The following ZNF503 variants were observed in gnomAD, a reference collection of about 807,000 sequenced individuals.
ZNF503 encodes NocA-like zinc finger 2.
In ZNF503, 15 loss-of-function variants were observed where a neutral mutation model predicts 34.4. The ratio of observed to expected loss-of-function variants is 0.44; its 90% CI spans 0.29 to 0.67. ZNF503 has a LOEUF of 0.67. ZNF503 is among the 30% of genes least tolerant of loss of function. The pLI is 0.13. For missense variants in ZNF503, 1,007 were observed against 926.8 expected, an observed-to-expected ratio of 1.09 and a Z score of -1.12; for synonymous variants, 580 against 456.8, an observed-to-expected ratio of 1.27 and a Z score of -3.44.
In ZNF503 at chr10:75,398,710, C is replaced by T; in HGVS notation, c.*39G>A. 2 of 1,351,344 alleles carry T rather than the reference C, an allele frequency of 1.5e-6. No homozygotes were observed. The highest frequency in any genetic ancestry group is 1.9e-6 in the Non-Finnish European group (2 of 1,056,690). 83.7% of individuals were successfully genotyped at this position (1,351,344 alleles called of 1,614,324 possible). A position where few individuals can be genotyped will look rare whatever the true frequency, so the allele number is the denominator to read the frequency against. On this transcript the variant is annotated 3_prime_UTR_variant, in exon 2 of 2. Transcript: ENST00000372524. ...CCTCTCCCTGGACTCCTCCCCTCCC[C>T]CTCTCCCTCCTCTCCCTCGCTCGCC...
chr10:75,313,490 ACTT>A, the ZNF503 span, among the ~76,000 whole-genome samples: 30 of 152,324 alleles, frequency 2.0e-4, no homozygotes, highest in Non-Finnish European at 3.5e-4. Context: ...GATGCTGCTC[ACTT>A]CTTTTTTGCA....
downstream of ZNF503, chr10:75,397,764 G>A (rs928077334): frequency 1.3e-5 from 2 of 152,520 alleles, no homozygotes; most frequent in Non-Finnish European, 2.9e-5. Context: ...GTAGCAGTGA[G>A]GCCCCGGAAC....
chr10:75,386,868 T>C, the ZNF503 span, among the ~76,000 whole-genome samples: 1 of 152,242 alleles, frequency 6.6e-6, no homozygotes, highest in Non-Finnish European at 1.5e-5. Flanking sequence ...CACATGTTTC[T>C]ACTGGAGTTC....
the ZNF503 span, chr10:75,283,335 G>A: frequency 0.013 from 1,909 of 152,416 alleles, 19 homozygotes; most frequent in Non-Finnish European, 0.019. Context: ...CAAGGCGTGC[G>A]CACATTTGTC....
At chr10:75,363,359 G>A in the ZNF503 span, among the ~76,000 whole-genome samples, 1 of 151,918 alleles carries the variant, frequency 6.6e-6, no homozygotes, top group East Asian at 1.9e-4. Context: ...GTGAGTTGTT[G>A]TGATTCTCTG....
At chr10:75,356,742 C>G in the ZNF503 span, among the ~76,000 whole-genome samples, 1 of 152,162 alleles carries the variant, frequency 6.6e-6, no homozygotes, top group African/African-American at 2.4e-5. Flanking sequence ...CCATTGAGGC[C>G]CTGACAGATT....
At chr10:75,292,685 G>A in the ZNF503 span, among the ~76,000 whole-genome samples, 1 of 152,192 alleles carries the variant, frequency 6.6e-6, no homozygotes, top group African/African-American at 2.4e-5. Context: ...CCAGGCCTGG[G>A]TCATATGTTT....
chr10:75,382,816 T>A, the ZNF503 span: 1 of 301,632 alleles, frequency 3.3e-6, no homozygotes, highest in South Asian at 4.1e-5. Flanking sequence ...CAGAATTCAG[T>A]AGTGGGTATT....
chr10:75,363,375 T>C, the ZNF503 span, among the ~76,000 whole-genome samples: 1 of 152,126 alleles, frequency 6.6e-6, no homozygotes, highest in Non-Finnish European at 1.5e-5. Flanking sequence ...CTCTGTGGGG[T>C]CCAGGAGCAT....
the ZNF503 span, among the ~76,000 whole-genome samples, chr10:75,390,879 A>C: frequency 6.6e-6 from 1 of 152,306 alleles, no homozygotes; most frequent in Non-Finnish European, 1.5e-5. Context: ...GTCCAAGATC[A>C]AGGTGCTGGC....
the ZNF503 span, among the ~76,000 whole-genome samples, chr10:75,335,810 G>T: frequency 6.6e-6 from 1 of 152,230 alleles, no homozygotes; most frequent in South Asian, 2.1e-4. Context: ...CTCCCTCCTG[G>T]CCTTCATTTC....
At chr10:75,390,881 G>T in the ZNF503 span, among the ~76,000 whole-genome samples, 6 of 152,298 alleles carry the variant, frequency 3.9e-5, no homozygotes, top group African/African-American at 1.4e-4. Flanking sequence ...CCAAGATCAA[G>T]GTGCTGGCTG....
the ZNF503 span, among the ~76,000 whole-genome samples, chr10:75,380,169 T>TTAC: frequency 6.6e-6 from 1 of 152,230 alleles, no homozygotes; most frequent in African/African-American, 2.4e-5. Flanking sequence ...GCAGGGCTAC[T>TTAC]TACCCCTTGG....
At chr10:75,337,048 G>T in the ZNF503 span, among the ~76,000 whole-genome samples, 1 of 152,228 alleles carries the variant, frequency 6.6e-6, no homozygotes, top group Non-Finnish European at 1.5e-5. Context: ...TTCTGGCAGG[G>T]TGTGGTGGCT....
chr10:75,295,230 G>A, the ZNF503 span, among the ~76,000 whole-genome samples: 1 of 151,856 alleles, frequency 6.6e-6, no homozygotes, highest in Non-Finnish European at 1.5e-5. This position sits in a 1 kb window ranked among gnomAD's most constrained non-coding sequence, Gnocchi z 4.0. Context: ...CCCGGGAGGG[G>A]TGGCAGGAGG....
chr10:75,339,069 A>G, the ZNF503 span, among the ~76,000 whole-genome samples: 1 of 152,112 alleles, frequency 6.6e-6, no homozygotes, highest in Non-Finnish European at 1.5e-5. Context: ...CGTCTCTACT[A>G]AAATACAAAA....
chr10:75,298,091 C>G, the ZNF503 span, among the ~76,000 whole-genome samples: 2 of 152,218 alleles, frequency 1.3e-5, no homozygotes, highest in African/African-American at 4.8e-5. Context: ...AAAGAATCCT[C>G]CTGAGTCAAT....
In ZNF503 at chr10:75,401,137, G is replaced by C; in HGVS notation, c.283C>G (p.Pro95Ala). The C allele has an allele frequency of 1.2e-6, 2 of 1,613,062 alleles. No individual in the cohort carries two copies. Among genetic ancestry groups the C allele is most frequent in the Non-Finnish European group, 1.7e-6 (2 of 1,179,612 alleles). Residue 95 changes from proline to alanine, a missense_variant, in exon 1 of 2, where the codon CCC becomes GCC. Pro to Ala is a conservative substitution (Grantham distance 27, BLOSUM62 -1). Transcript: ENST00000372524. ...GGGCTGACCGGCGTGGAAGGCAGGG[G>C]CTGCAGGTACTCGGGGTGCAAAATG... ...GHILHPEYLQ[P>A]LPSTPVSPIE...
Position 75,399,532 on chromosome 10 carries a change from C to G in ZNF503, c.1158G>C (p.Pro386=), listed in dbSNP as rs779447385. The G allele has an allele frequency of 1.9e-6, 3 of 1,588,078 alleles. No individual in the cohort carries two copies. Among genetic ancestry groups the G allele is most frequent in the Admixed American group, 3.4e-5 (2 of 59,308 alleles). Residue 386 remains proline, a synonymous_variant, in exon 2 of 2, where the codon CCG becomes CCC. Coordinates refer to ENST00000372524, the MANE Select transcript of ZNF503 (RefSeq NM_032772.6). ...PHGVALDPTK[P]GSLVGAQLAA... ...CCAGCTGCGCCCCCACCAGGCTGCC[C>G]GGCTTGGTGGGGTCAAGTGCCACGC... is the stretch of plus-strand genomic sequence containing the variant.
Sources: gnomAD v4.1 joint callset for allele counts (sites outside exome capture counted in the v4.1 genomes callset) on GRCh38, gnomAD v4.1.1 for gene constraint, Gnocchi (gnomAD v3.1) non-coding constraint, MANE v1.5 for transcripts, NCBI Gene and HGNC (gene_info 2026-07-23, HGNC 2026-07-21) for gene names.